Variants in C2orf42 observed in about 807,000 individuals in gnomAD.
The protein encoded by C2orf42 is uncharacterized protein C2orf42.
Under a neutral mutation model 58.9 loss-of-function variants are expected in C2orf42, and 44 were observed. That is an observed-to-expected ratio of 0.75 (90% CI 0.59 to 0.96). C2orf42 has a LOEUF of 0.96. C2orf42 is among the 40% of genes least tolerant of loss of function. C2orf42 has a pLI of 0.00. For synonymous variants in C2orf42, 239 were observed against 265.4 expected, an observed-to-expected ratio of 0.90 and a Z score of 0.97; for missense variants, 630 against 699.2, an observed-to-expected ratio of 0.90 and a Z score of 1.12.
intron 6 of C2orf42, 25 bp downstream of exon 6, chr2:70,169,532 G>A: frequency 1.7e-6 from 2 of 1,165,144 alleles, no homozygotes; most frequent in Non-Finnish European, 2.6e-6. Context: ...TTCAGCAAGA[G>A]CCCAGTTAGA....
intron 5 of C2orf42, among the ~76,000 whole-genome samples, chr2:70,173,841 C>T (rs1397460119): frequency 6.6e-6 from 1 of 151,896 alleles, no homozygotes. Flanking sequence ...ACTCCTACCT[C>T]GGCCTCCCAA....
At chr2:70,175,181 C>T (rs967602981) in intron 5 of C2orf42, among the ~76,000 whole-genome samples, 3 of 152,130 alleles carry the variant, frequency 2.0e-5, no homozygotes, top group Non-Finnish European at 2.9e-5. Flanking sequence ...AGGCTGGCCT[C>T]GAACTGCTGG....
intron 1 of C2orf42, among the ~76,000 whole-genome samples, chr2:70,185,301 C>T (rs752288798): frequency 2.0e-5 from 3 of 151,068 alleles, no homozygotes; most frequent in South Asian, 2.1e-4. Flanking sequence ...CCAGCTACTC[C>T]GGAGGCTGAG....
intron 6 of C2orf42, among the ~76,000 whole-genome samples, 186 bp from the exon 7 acceptor site, chr2:70,165,821 A>C (rs1673360529): frequency 6.6e-6 from 1 of 152,134 alleles, no homozygotes; most frequent in Non-Finnish European, 1.5e-5. Flanking sequence ...CACTAGTCCT[A>C]CTGTTGATCC....
rs974987918 is a variant in C2orf42 at position 70,175,743 on chromosome 2, A to C, written c.969T>G (p.Asp323Glu). 1 of 1,611,644 alleles carries C rather than the reference A, an allele frequency of 6.2e-7. No homozygotes were observed. Among genetic ancestry groups the C allele is most frequent in the Admixed American group, 1.7e-5 (1 of 59,986 alleles). Residue 323 changes from aspartate to glutamate, a missense_variant, in exon 5 of 10, where the codon GAT (aspartate) becomes GAG (glutamate). Physicochemically the swap from Asp to Glu is conservative, Grantham distance 45. Coordinates refer to ENST00000264434, the MANE Select transcript of C2orf42 (RefSeq NM_017880.3). ...AQMNSSLLPQDAVSSNLRKSG... is the reference protein window; with the variant it reads ...AQMNSSLLPQEAVSSNLRKSG... ...TTTTCCTTAGATTACTGCTCACTGC[A>C]TCTTGAGGCAGTAGTGAACTGTTCA...
At chr2:70,156,333 C>T (rs111670781) in intron 9 of C2orf42, among the ~76,000 whole-genome samples, 27 of 152,062 alleles carry the variant, frequency 1.8e-4, no homozygotes, top group African/African-American at 6.5e-4. Context: ...ATAAGAGATT[C>T]ATCTAAGTTG....
In C2orf42 at chr2:70,160,720, G is replaced by A; in HGVS notation, c.1421C>T (p.Pro474Leu). The A allele has an allele frequency of 6.2e-7, 1 of 1,612,054 alleles. No homozygotes were observed. Among genetic ancestry groups the A allele is most frequent in the Non-Finnish European group, 8.5e-7 (1 of 1,178,920 alleles). ...TGCTATGCTTTCTACTTCCACTTTAGGGCATTTAAATAGCTCATAAGTCCC... is the reference window on the plus strand; with the variant it reads ...TGCTATGCTTTCTACTTCCACTTTAAGGCATTTAAATAGCTCATAAGTCCC... The part of the protein sequence containing the change: ...RDGTYELFKC[P>L]KVEVESIAET... Residue 474 changes from proline (P) to leucine (L), a missense_variant, in exon 9 of 10, where the codon CCT becomes CTT. By Grantham distance (98) the Pro-to-Leu change is moderately conservative. Coordinates refer to ENST00000264434, the MANE Select transcript of C2orf42 (RefSeq NM_017880.3).
At chr2:70,190,814 A>G (rs1573058327) in intron 1 of C2orf42, 159 bp downstream of exon 1, 1 of 151,748 alleles carries the variant, frequency 6.6e-6, no homozygotes. Context: ...CAGAAGCATC[A>G]CCTCGCCGGC....
chr2:70,162,675 G>A (rs1558660436), intron 8 of C2orf42, among the ~76,000 whole-genome samples: 1 of 151,940 alleles, frequency 6.6e-6, no homozygotes, highest in African/African-American at 2.4e-5. Context: ...GCCTCGCTGT[G>A]TTGCCTAGGC....
intron 5 of C2orf42, among the ~76,000 whole-genome samples, chr2:70,173,519 C>T (rs1411660304): frequency 6.6e-6 from 1 of 152,110 alleles, no homozygotes; most frequent in Non-Finnish European, 1.5e-5. Context: ...TCAAGTGATC[C>T]ATCCGCCTGC....
In C2orf42 at chr2:70,182,869, T is replaced by C. The variant is rs1573035035; in HGVS notation, c.-215A>G. The C allele has an allele frequency of 6.6e-6, 1 of 152,336 alleles. No individual in the cohort carries two copies. The highest frequency in any genetic ancestry group is 2.1e-4 in the South Asian group (1 of 4,832). 9.4% of individuals were successfully genotyped at this position (152,336 alleles called of 1,614,324 possible). ...TGCCTCCTCCTTCTCCACCAGCCAA[T>C]GGCAAAGCTTCTGCCCAATGTTCCG... On this transcript the variant is annotated 5_prime_UTR_variant, in exon 2 of 10. Transcript: ENST00000264434.
intron 5 of C2orf42, among the ~76,000 whole-genome samples, chr2:70,174,281 G>C (rs979402787): frequency 9.2e-5 from 14 of 151,978 alleles, no homozygotes; most frequent in Non-Finnish European, 1.8e-4. Flanking sequence ...ACTCCAGCCT[G>C]GGCAACAGAG....
chr2:70,165,205 A>T lies in C2orf42; in HGVS notation c.1253-13T>A. 1 of 1,490,638 alleles carries T rather than the reference A, an allele frequency of 6.7e-7. No homozygotes were observed. Among genetic ancestry groups the T allele is most frequent in the Non-Finnish European group, 9.3e-7 (1 of 1,074,898 alleles). The allele number at this position is 1,490,638 out of a possible 1,614,324, so 92.3% of individuals were successfully genotyped here. On this transcript the variant is annotated splice_polypyrimidine_tract_variant and intron_variant, in intron 7 of 9. Coordinates refer to ENST00000264434, the MANE Select transcript of C2orf42 (RefSeq NM_017880.3). Reference sequence around the variant, plus strand: ...TTCCGAACAAAAGCTTCAACGTGAAAAAAGGACAAAATTAGATTACCAAAA... The same window carrying T: ...TTCCGAACAAAAGCTTCAACGTGAATAAAGGACAAAATTAGATTACCAAAA...
At chr2:70,169,409 T>C (rs1200318537) in intron 6 of C2orf42, 148 bp downstream of exon 6, 1 of 490,544 alleles carries the variant, frequency 2.0e-6, no homozygotes, top group Non-Finnish European at 3.7e-6. Flanking sequence ...TGATTGTTTT[T>C]TTCTTTCAAT....
rs1288753591 is a variant in C2orf42, at chr2:70,179,600, T to C, written c.866A>G (p.Glu289Gly). Residue 289 changes from glutamate to glycine, a missense_variant, in exon 4 of 10, where the codon GAA becomes GGA. Coordinates refer to ENST00000264434, the MANE Select transcript of C2orf42 (RefSeq NM_017880.3). Reference protein sequence around the residue: ...IIVPQLGCHSESTVSACESTA... With the variant: ...IIVPQLGCHSGSTVSACESTA... ...AGACTCACAAGCAGATACTGTTGAT[T>C]CTGAATGGCAACCTAACTGGGGTAC... 1 of 1,563,886 alleles carries C rather than the reference T, an allele frequency of 6.4e-7. No individual in the cohort carries two copies. The highest frequency in any genetic ancestry group is 8.8e-7 in the Non-Finnish European group (1 of 1,135,250).
chr2:70,176,307 A>C (rs1371240043), intron 4 of C2orf42, among the ~76,000 whole-genome samples: 18 of 152,112 alleles, frequency 1.2e-4, no homozygotes, highest in Non-Finnish European at 2.4e-4. Context: ...GCTTGAGACC[A>C]TCCTGGCTAA....
intron 1 of C2orf42, chr2:70,190,610 C>T (rs1675286995): frequency 6.6e-6 from 1 of 152,174 alleles, no homozygotes. Context: ...CACATCAGCC[C>T]TCAACGGCCT....
chr2:70,152,554 A>G (rs764687176), intron 9 of C2orf42, among the ~76,000 whole-genome samples: 9 of 152,164 alleles, frequency 5.9e-5, no homozygotes, highest in Admixed American at 1.3e-4. Flanking sequence ...GGGAGGCTAC[A>G]TGGAAAAAGG....
chr2:70,166,486 T>G (rs1265542357), intron 6 of C2orf42, among the ~76,000 whole-genome samples: 4 of 129,164 alleles, frequency 3.1e-5, no homozygotes, highest in South Asian at 2.4e-4. Context: ...GCCAACATGG[T>G]GAAAACCCAT....
Sources: gnomAD v4.1 joint callset for allele counts (sites outside exome capture counted in the v4.1 genomes callset) on GRCh38, gnomAD v4.1.1 for gene constraint, MANE v1.5 for transcripts, NCBI Gene and HGNC (gene_info 2026-07-23, HGNC 2026-07-21) for gene names.